The following DEUP1 variants were observed in gnomAD, a reference collection of about 807,000 sequenced individuals.
DEUP1 encodes coiled-coil domain containing 67.
A neutral mutation model predicts 87.4 loss-of-function variants in DEUP1; 82 were observed. The observed-to-expected ratio is 0.94, with a 90% CI of 0.78 to 1.13. The LOEUF (loss-of-function observed/expected upper bound fraction) is 1.13, where lower values mean the gene tolerates loss of function less well. Ranked by LOEUF, DEUP1 falls within the 50% of genes most tolerant of loss-of-function variation. DEUP1 has a pLI of 0.00. For missense variants in DEUP1, 663 were observed against 681.5 expected (o/e 0.97, Z 0.30); for synonymous variants, 214 against 222.7 (o/e 0.96, Z 0.35).
Position 93,357,002 on chromosome 11 carries a change from A to T in DEUP1, c.256A>T (p.Thr86Ser), listed in dbSNP as rs1317844631. 1 of 1,602,132 alleles carries T rather than the reference A, an allele frequency of 6.2e-7. No homozygotes were observed. The highest frequency in any genetic ancestry group is 2.2e-5 in the East Asian group (1 of 44,540). ...TCTGGAAAAATGTAATTTAGCAATG[A>T]CTCAGAATTATGAAGGACAACTACA... Reference protein sequence around the residue: ...DSLEKCNLAMTQNYEGQLQSL... With the variant: ...DSLEKCNLAMSQNYEGQLQSL... Residue 86 changes from threonine to serine, a missense_variant, in exon 4 of 14, where the codon ACT becomes TCT. Thr to Ser is a moderately conservative substitution (Grantham distance 58, BLOSUM62 1). Coordinates refer to ENST00000298050, the MANE Select transcript of DEUP1 (RefSeq NM_181645.4).
chr11:93,420,402 G>A (rs1331431870), intron 13 of DEUP1, among the ~76,000 whole-genome samples: 1 of 152,192 alleles, frequency 6.6e-6, no homozygotes, highest in Admixed American at 6.5e-5. Flanking sequence ...AGGTATTCAT[G>A]GGACGTATCT....
chr11:93,431,482 G>T (rs1361770815), intron 13 of DEUP1, among the ~76,000 whole-genome samples: 2 of 152,114 alleles, frequency 1.3e-5, no homozygotes, highest in African/African-American at 2.4e-5. Flanking sequence ...AAGGAGTTTG[G>T]ATTTTATTTT....
At chr11:93,435,394 G>T (rs891562970) in intron 13 of DEUP1, among the ~76,000 whole-genome samples, 12 of 152,166 alleles carry the variant, frequency 7.9e-5, no homozygotes, top group African/African-American at 2.4e-4. Flanking sequence ...AAAGACAAAG[G>T]CTGGATCAAA....
chr11:93,433,155 CTTCA>C (rs1445829935), intron 13 of DEUP1, among the ~76,000 whole-genome samples: 2 of 152,224 alleles, frequency 1.3e-5, no homozygotes, highest in East Asian at 3.9e-4. Flanking sequence ...AATCCATTTT[CTTCA>C]TTCATAAACT....
intron 5 of DEUP1, among the ~76,000 whole-genome samples, chr11:93,367,715 T>A (rs539313255): frequency 6.6e-6 from 1 of 152,326 alleles, no homozygotes; most frequent in South Asian, 2.1e-4. Context: ...GAATTGAGGG[T>A]TGAAAACATC....
chr11:93,353,302 CA>C (rs1181126695), intron 2 of DEUP1, among the ~76,000 whole-genome samples: 2 of 152,208 alleles, frequency 1.3e-5, no homozygotes, highest in African/African-American at 2.4e-5. Flanking sequence ...CATGCTGATG[CA>C]AAAGGTGGGT....
At position 93,437,610 on chromosome 11, in the gene DEUP1, G is replaced by C. The variant is rs769117187; in HGVS notation, c.1706G>C (p.Arg569Pro). 2.0e-5 allele frequency: 32 copies of C among 1,613,066 alleles called. No individual in the cohort carries two copies. Among genetic ancestry groups the C allele is most frequent in the Non-Finnish European group, 2.6e-5 (31 of 1,179,348 alleles). Residue 569 changes from arginine (R) to proline (P), a missense_variant, in exon 14 of 14, where the codon CGA (arginine) becomes CCA (proline). Arg to Pro is a moderately radical substitution (Grantham distance 103). Transcript: ENST00000298050. The stretch of plus-strand genomic sequence containing the variant: ...CATTTCCTTCTGGAAGAAGAGAAAC[G>C]AGCAAAAGAACTTGAAAAACTTCTA... ...AQHFLLEEEK[R>P]AKELEKLLNT...
chr11:93,364,708 GT>G (rs973276522), intron 5 of DEUP1, among the ~76,000 whole-genome samples: 1 of 151,506 alleles, frequency 6.6e-6, no homozygotes, highest in African/African-American at 2.4e-5. Flanking sequence ...AAGTTTCATG[GT>G]TTTTTTTCTT....
intron 2 of DEUP1, among the ~76,000 whole-genome samples, chr11:93,339,137 A>T (rs1016044418): frequency 1.3e-5 from 2 of 152,250 alleles, no homozygotes; most frequent in South Asian, 4.1e-4. Flanking sequence ...GTTTCCTCTA[A>T]AAGCAATTAT....
chr11:93,419,870 A>T (rs1411473005), intron 13 of DEUP1, among the ~76,000 whole-genome samples: 2 of 137,484 alleles, frequency 1.5e-5, no homozygotes, highest in Non-Finnish European at 1.6e-5. Flanking sequence ...AATAAAATAA[A>T]ATAAAATAAA....
In DEUP1 at chr11:93,415,060, T is replaced by C. The variant is rs550384919; in HGVS notation, c.1584T>C (p.Phe528=). ...STMPPLPPST[F]QAKEMTSPLV... ...TGCCTCCCTTGCCACCTTCGACATT[T>C]CAAGCCAAAGAAATGACAAGTCCTT... The change falls in exon 13 of 14, where the codon TTT becomes TTC. Residue 528 remains phenylalanine, a synonymous_variant. Transcript: ENST00000298050. 3.7e-6 allele frequency: 6 copies of C among 1,610,186 alleles called. No individual in the cohort carries two copies. In the South Asian group the frequency reaches 6.7e-5, roughly 18 times the overall value.
intron 12 of DEUP1, among the ~76,000 whole-genome samples, chr11:93,414,084 T>C (rs1230538382): frequency 6.6e-6 from 1 of 152,136 alleles, no homozygotes; most frequent in Non-Finnish European, 1.5e-5. Context: ...CTTTTATAAG[T>C]GAGAAAATTA....
intron 13 of DEUP1, among the ~76,000 whole-genome samples, chr11:93,428,996 CAT>C (rs1411796693): frequency 2.6e-5 from 4 of 152,114 alleles, no homozygotes; most frequent in Non-Finnish European, 4.4e-5. Context: ...GAGCACCATT[CAT>C]ATGTTTATTG....
intron 2 of DEUP1, among the ~76,000 whole-genome samples, chr11:93,346,934 A>G (rs1944377971): frequency 1.3e-5 from 2 of 152,080 alleles, no homozygotes; most frequent in East Asian, 3.9e-4. Flanking sequence ...CAGCTTAAGG[A>G]GTTTTTGGGT....
At chr11:93,338,653 C>G (rs1375554700) in intron 2 of DEUP1, among the ~76,000 whole-genome samples, 1 of 152,116 alleles carries the variant, frequency 6.6e-6, no homozygotes, top group Non-Finnish European at 1.5e-5. Context: ...AATCCTCCCA[C>G]TTTGGCCTCC....
At chr11:93,330,518 C>G (rs910026204), upstream of DEUP1, 2 of 152,442 alleles carry the variant, frequency 1.3e-5, no homozygotes. Flanking sequence ...CGCCTGCCGC[C>G]GCCGCCGCGC....
intron 13 of DEUP1, among the ~76,000 whole-genome samples, chr11:93,419,854 T>G (rs1947809651): frequency 6.9e-6 from 1 of 145,706 alleles, no homozygotes; most frequent in African/African-American, 2.6e-5. Flanking sequence ...TTCAAAAAAA[T>G]AATAAAATAA....
intron 13 of DEUP1, among the ~76,000 whole-genome samples, chr11:93,419,572 T>C (rs1947793819): frequency 6.6e-6 from 1 of 152,068 alleles, no homozygotes; most frequent in South Asian, 2.1e-4. Context: ...CAACTATGAG[T>C]TGCATGACTT....
At position 93,390,854 on chromosome 11, in the gene DEUP1, C is replaced by T. The variant is rs191075155; in HGVS notation, c.1041+1729C>T. Among the ~76,000 whole-genome samples the T allele has an allele frequency of 6.6e-3, 1,005 of 152,040 alleles. 11 individuals carry two copies. Among genetic ancestry groups the T allele is most frequent in the South Asian group, 0.014 (69 of 4,810 alleles). ...ATTCCAGCACTTTGGGAGGCTGAGG[C>T]AGGCAGATCACCAGGTCAGGAGTTT... On this transcript the variant is annotated intron_variant, in intron 9 of 13. Transcript: ENST00000298050.
Sources: allele counts gnomAD v4.1 joint callset (sites outside exome capture counted in the v4.1 genomes callset), GRCh38; gene constraint gnomAD v4.1.1; transcripts MANE v1.5; gene names NCBI Gene and HGNC (gene_info 2026-07-23, HGNC 2026-07-21).